Variants in EYS observed in about 807,000 individuals in gnomAD.
EYS encodes EGF-like photoreceptor maintenance factor.
A neutral mutation model predicts 282.1 loss-of-function variants in EYS; 250 were observed. The ratio of observed to expected loss-of-function variants is 0.89; its 90% CI spans 0.80 to 0.98. The LOEUF is 0.98. EYS is among the 50% of genes least tolerant of loss of function. The probability of loss-of-function intolerance (pLI) is 0.00; values close to 1 mark genes in which losing one functional copy is unlikely to be tolerated. For missense variants in EYS, 4,016 were observed against 3,709.0 expected, an observed-to-expected ratio of 1.08 and a Z score of -2.15; for synonymous variants, 1,355 against 1,282.9, an observed-to-expected ratio of 1.06 and a Z score of -1.20.
intron 12 of EYS, among the ~76,000 whole-genome samples, chr6:65,103,168 C>A (rs1233640490): frequency 1.3e-4 from 20 of 151,288 alleles, no homozygotes. Context: ...CTTAACAAGT[C>A]CAATGGATAA....
intron 22 of EYS, among the ~76,000 whole-genome samples, chr6:64,680,831 C>T (rs143148629): frequency 5.3e-5 from 8 of 152,188 alleles, no homozygotes; most frequent in East Asian, 1.9e-4. Flanking sequence ...GATTTTGCCC[C>T]GGGGAAAACA....
At chr6:64,872,713 G>A (rs1766630862) in intron 19 of EYS, among the ~76,000 whole-genome samples, 1 of 151,980 alleles carries the variant, frequency 6.6e-6, no homozygotes, top group East Asian at 1.9e-4. Context: ...TTATGATAGT[G>A]AGAGTAAACA....
chr6:64,317,518 G>A (rs1045999363), intron 29 of EYS, among the ~76,000 whole-genome samples: 5 of 151,918 alleles, frequency 3.3e-5, no homozygotes, highest in African/African-American at 4.8e-5. Flanking sequence ...ATCATTAAAC[G>A]TCAGGAAACA....
intron 36 of EYS, among the ~76,000 whole-genome samples, chr6:63,846,953 A>T (rs555534323): frequency 3.2e-4 from 48 of 152,296 alleles, no homozygotes; most frequent in African/African-American, 9.4e-4. Context: ...TTAATTCTAG[A>T]AATAAATGTG....
At chr6:65,420,059 C>A (rs1767396115) in intron 5 of EYS, among the ~76,000 whole-genome samples, 1 of 151,970 alleles carries the variant, frequency 6.6e-6, no homozygotes, top group Admixed American at 6.6e-5. Flanking sequence ...CCTCAATGTT[C>A]ATGGTCACTG....
In EYS at chr6:64,385,625, C is replaced by T. The variant is rs142457360; in HGVS notation, c.6078+3065G>A. ...CAAGGTTTTAGGAGAAAAAGTCTTT[C>T]GAAATTTAGTCAATTATTATCATCA... is the stretch of plus-strand genomic sequence containing the variant. On this transcript the variant is annotated intron_variant, in intron 29 of 42. Coordinates refer to ENST00000503581, the MANE Select transcript of EYS (RefSeq NM_001142800.2). Among the ~76,000 whole-genome samples the T allele has an allele frequency of 8.0e-4, 122 of 152,204 alleles. 1 individual carries two copies. The highest frequency in any genetic ancestry group is 2.0e-3 in the African/African-American group (82 of 41,536).
At chr6:63,895,280 T>C (rs1313079639) in intron 35 of EYS, among the ~76,000 whole-genome samples, 1 of 152,212 alleles carries the variant, frequency 6.6e-6, no homozygotes, top group Non-Finnish European at 1.5e-5. Flanking sequence ...GCTAAAATTG[T>C]ATCCAACTAC....
intron 2 of EYS, among the ~76,000 whole-genome samples, chr6:65,580,978 CAT>C (rs1562270395): frequency 1.3e-5 from 2 of 151,932 alleles, no homozygotes; most frequent in Non-Finnish European, 2.9e-5. Context: ...TATAATTTGA[CAT>C]ATTTTAATCT....
chr6:64,593,019 T>A, intron 25 of EYS, 98 bp downstream of exon 25: 1 of 819,134 alleles, frequency 1.2e-6, no homozygotes, highest in Non-Finnish European at 1.6e-6. Flanking sequence ...ATCATGTATC[T>A]CAGAAAAAAA....
intron 19 of EYS, among the ~76,000 whole-genome samples, chr6:64,836,057 C>T (rs1042580339): frequency 4.0e-5 from 6 of 151,378 alleles, no homozygotes; most frequent in South Asian, 2.1e-4. Flanking sequence ...TGAAAATAAT[C>T]GCTCAAATCT....
At chr6:65,082,736 C>A (rs1340016528) in intron 12 of EYS, among the ~76,000 whole-genome samples, 1 of 151,880 alleles carries the variant, frequency 6.6e-6, no homozygotes, top group Non-Finnish European at 1.5e-5. Context: ...GCTATTCCCC[C>A]CATTGTTACA....
chr6:64,652,197 A>T (rs181037377), intron 22 of EYS, among the ~76,000 whole-genome samples: 165 of 152,340 alleles, frequency 1.1e-3, no homozygotes, highest in Non-Finnish European at 2.0e-3. Flanking sequence ...TCTTAAGTAT[A>T]AATGAAGCCT....
chr6:65,272,713 G>A (rs957345822), intron 12 of EYS, among the ~76,000 whole-genome samples: 1 of 152,078 alleles, frequency 6.6e-6, no homozygotes, highest in East Asian at 1.9e-4. Context: ...TCTTAACACA[G>A]TAATGAATAC....
At chr6:65,201,920 C>G (rs1405589825) in intron 12 of EYS, among the ~76,000 whole-genome samples, 1 of 152,032 alleles carries the variant, frequency 6.6e-6, no homozygotes, top group Non-Finnish European at 1.5e-5. Context: ...TGAGGCCAGC[C>G]TGGGCAACAT....
At chr6:64,023,230 A>G (rs887238712) in intron 33 of EYS, among the ~76,000 whole-genome samples, 2 of 152,254 alleles carry the variant, frequency 1.3e-5, no homozygotes, top group African/African-American at 4.8e-5. Context: ...TTGTATGCAT[A>G]TAGCTTATTT....
chr6:65,680,547 G>GA (rs2149838109), intron 1 of EYS, among the ~76,000 whole-genome samples: 2 of 151,962 alleles, frequency 1.3e-5, no homozygotes, highest in East Asian at 3.9e-4. Flanking sequence ...TAAGATTCAA[G>GA]AAAAATGGAT....
In EYS at chr6:64,320,723, A is replaced by AT. The variant is rs1770185908; in HGVS notation, c.6079-13642dup. ...TCCTATTGGCCACAGTTTCCCACAA[A>AT]TTTTTTCCATATTTAATCATGTTTA... On this transcript the variant is annotated intron_variant, in intron 29 of 42. Transcript: ENST00000503581. 3.3e-5 allele frequency among the ~76,000 whole-genome samples: 5 copies of AT among 151,514 alleles called. No homozygotes were observed. In the South Asian group the frequency reaches 1.0e-3, roughly 32 times the overall value.
chr6:65,112,805 T>A (rs1775250080), intron 12 of EYS, among the ~76,000 whole-genome samples: 1 of 152,152 alleles, frequency 6.6e-6, no homozygotes, highest in Non-Finnish European at 1.5e-5. Context: ...AGCAGCTATT[T>A]CTCTACCAGT....
At chr6:65,491,794 A>G (rs1766055332) in intron 4 of EYS, among the ~76,000 whole-genome samples, 1 of 152,154 alleles carries the variant, frequency 6.6e-6, no homozygotes, top group Non-Finnish European at 1.5e-5. Flanking sequence ...AGCATCACAG[A>G]GTATCTATAT....
Sources: allele counts gnomAD v4.1 joint callset (sites outside exome capture counted in the v4.1 genomes callset), GRCh38; gene constraint gnomAD v4.1.1; transcripts MANE v1.5; gene names NCBI Gene and HGNC (gene_info 2026-07-23, HGNC 2026-07-21).